The following PIF1 variants were observed in gnomAD, a reference collection of about 807,000 sequenced individuals.
The protein encoded by PIF1 is ATP-dependent DNA helicase PIF1.
In PIF1, 67 loss-of-function variants were observed where a neutral mutation model predicts 62.3. The observed-to-expected ratio is 1.08, with a 90% CI of 0.88 to 1.32. The LOEUF is 1.32. Among genes scored for constraint, PIF1 ranks in the 40% most tolerant of loss-of-function variants. The pLI is 0.00. For synonymous variants in PIF1, 364 were observed against 379.5 expected, an observed-to-expected ratio of 0.96 and a Z score of 0.47; for missense variants, 886 against 866.1, an observed-to-expected ratio of 1.02 and a Z score of -0.29.
Position 64,820,979 on chromosome 15 carries a change from C to T in PIF1, c.1193+3G>A, listed in dbSNP as rs775823620. 17 of 1,613,094 alleles carry T rather than the reference C, an allele frequency of 1.1e-5. No individual in the cohort carries two copies. The highest frequency in any genetic ancestry group is 1.4e-5 in the Non-Finnish European group (16 of 1,179,476). On this transcript the variant is annotated splice_donor_region_variant and intron_variant, in intron 7 of 12. Transcript: ENST00000559239. ...AGCCCCTTCCCCAACCAGCAGAGCT[C>T]ACCTGCCTAGCCTCACGGCCTGCAG...
Position 64,824,304 on chromosome 15 carries a change from TC to T in PIF1, c.31del (p.Glu11AsnfsTer16). ...GCACCGCAGCTCCGAGTCCTCATAT[TC>T]CCCTGCCGCCGCCTCTATGCCCGAG... MLSGIEAAAG[E>X]YEDSELRCRV... is the part of the protein sequence containing the mutation. On this transcript the variant is annotated frameshift_variant, in exon 2 of 13. Coordinates refer to ENST00000559239, the MANE Select transcript of PIF1 (RefSeq NM_001286496.2). LOFTEE classifies it high-confidence loss of function. The T allele has an allele frequency of 7.9e-7, 1 of 1,259,438 alleles. No homozygotes were observed. The highest frequency in any genetic ancestry group is 1.0e-6 in the Non-Finnish European group (1 of 1,000,708). 78.0% of individuals were successfully genotyped at this position (1,259,438 alleles called of 1,614,324 possible). A position where few individuals can be genotyped will look rare whatever the true frequency, so the allele number is the denominator to read the frequency against.
Position 64,819,372 on chromosome 15 carries a change from G to A in PIF1, c.1334-149C>T, listed in dbSNP as rs544492201. On this transcript the variant is annotated intron_variant, in intron 8 of 12. Transcript: ENST00000559239. ...GTTGCCCAGACTGGAGTGCAAAGGC[G>A]TGATCTCGGCTCACTGCAACCTCTG... The A allele has an allele frequency of 3.3e-5, 20 of 615,196 alleles. 1 individual carries two copies. Among genetic ancestry groups the A allele is most frequent in the East Asian group, 1.3e-4 (4 of 30,028 alleles). 38.1% of individuals were successfully genotyped at this position (615,196 alleles called of 1,614,324 possible).
Position 64,822,254 on chromosome 15 carries a change from G to C in PIF1, c.817+12C>G, listed in dbSNP as rs2084299803. The C allele has an allele frequency of 6.2e-7, 1 of 1,610,412 alleles. No homozygotes were observed. Among genetic ancestry groups the C allele is most frequent in the South Asian group, 1.1e-5 (1 of 90,886 alleles). ...CTTGCTCTTAGCTCAAGCCCTAGGG[G>C]TTCCTACTTACCTGCAAAGGCATGG... On this transcript the variant is annotated intron_variant, in intron 4 of 12. Coordinates refer to ENST00000559239, the MANE Select transcript of PIF1 (RefSeq NM_001286496.2).
At chr15:64,818,158 C>T in intron 10 of PIF1, 67 bp from the exon 11 acceptor site, 1 of 1,611,298 alleles carries the variant, frequency 6.2e-7, no homozygotes, top group Admixed American at 1.7e-5. Context: ...GAGCAGGGGC[C>T]TTTGGAGCTT....
At position 64,819,189 on chromosome 15, in the gene PIF1, G is replaced by A. The variant is rs748682555; in HGVS notation, c.1368C>T (p.Asn456=). 5.6e-6 allele frequency: 9 copies of A among 1,604,268 alleles called. No individual in the cohort carries two copies. Among genetic ancestry groups the A allele is most frequent in the African/African-American group, 1.3e-5 (1 of 74,176 alleles). Residue 456 remains asparagine (N), a synonymous_variant, in exon 9 of 13, where the codon AAC becomes AAT. Transcript: ENST00000559239. ...KVHRFEAMDS[N]PELASTLDAQ... Reference sequence around the variant, plus strand: ...CATCCAGGGTACTGGCCAGCTCAGGGTTGCTGTCCATAGCCTCAAATCTGT... The same window carrying A: ...CATCCAGGGTACTGGCCAGCTCAGGATTGCTGTCCATAGCCTCAAATCTGT...
chr15:64,816,548 C>A (rs748069491), intron 12 of PIF1, 26 bp downstream of exon 12: 4 of 1,610,826 alleles, frequency 2.5e-6, no homozygotes, highest in East Asian at 2.2e-5. Context: ...GTGGCCACAG[C>A]CCACCACTGG....
intron 9 of PIF1, chr15:64,818,660 C>G (rs1367547463): frequency 2.7e-6 from 1 of 375,004 alleles, no homozygotes; most frequent in Admixed American, 4.5e-5. Flanking sequence ...ATCTGTGGAC[C>G]ACAGATCTTG....
Position 64,821,445 on chromosome 15 carries a change from A to G in PIF1, c.893T>C (p.Leu298Pro). The stretch of plus-strand genomic sequence containing the variant: ...GTCAATGACCAACCGCTGGCAGTTC[A>G]GCCAGCCCTGCCGCACGCCTGGCCT... ...AQRPGVRQGW[L>P]NCQRLVIDEI... Residue 298 changes from leucine to proline, a missense_variant, in exon 5 of 13, where the codon CTG (leucine) becomes CCG (proline). Leu to Pro is a moderately conservative substitution (Grantham distance 98, BLOSUM62 -3). Coordinates refer to ENST00000559239, the MANE Select transcript of PIF1 (RefSeq NM_001286496.2). 1 of 1,614,112 alleles carries G rather than the reference A, an allele frequency of 6.2e-7. No individual in the cohort carries two copies. The highest frequency in any genetic ancestry group is 8.5e-7 in the Non-Finnish European group (1 of 1,180,034).
At position 64,824,322 on chromosome 15, in the gene PIF1, A is replaced by G. The variant is rs2084337210; in HGVS notation, c.14T>C (p.Ile5Thr). The change falls in exon 2 of 13, where the codon ATA (isoleucine) becomes ACA (threonine). Residue 5 changes from isoleucine to threonine, a missense_variant. By Grantham distance (89) the Ile-to-Thr change is moderately conservative. Transcript: ENST00000559239. ...CTCATATTCCCCTGCCGCCGCCTCT[A>G]TGCCCGAGAGCATCGTCACCGCCTC... MLSGIEAAAGEYEDS... is the reference protein window; with the variant it reads MLSGTEAAAGEYEDS... 1.6e-6 allele frequency: 2 copies of G among 1,254,706 alleles called. No homozygotes were observed. Among genetic ancestry groups the G allele is most frequent in the East Asian group, 3.1e-5 (1 of 32,352 alleles). 77.7% of individuals were successfully genotyped at this position (1,254,706 alleles called of 1,614,324 possible).
chr15:64,818,165 G>A (rs1200872569), intron 10 of PIF1, 74 bp from the exon 11 acceptor site: 2 of 1,610,874 alleles, frequency 1.2e-6, no homozygotes, highest in Non-Finnish European at 1.7e-6. Flanking sequence ...GGCCTTTGGA[G>A]CTTTCCTTCC....
Position 64,821,052 on chromosome 15 carries a change from C to A in PIF1, c.1123G>T (p.Glu375Ter). The change falls in exon 7 of 13, where the codon GAG becomes TAG. Residue 375 changes from glutamate (E) to a stop codon, truncating the protein, a stop_gained. Transcript: ENST00000559239. LOFTEE classifies it high-confidence loss of function. Reference protein sequence around the residue: ...SWKRCVPVTLELTKVWRQADQ... With the variant: ...SWKRCVPVTL Reference sequence around the variant, plus strand: ...GCCTGCCTCCACACCTTGGTCAGCTCCAGGGTCACTGGCACACACCTCTTC... The same window carrying A: ...GCCTGCCTCCACACCTTGGTCAGCTACAGGGTCACTGGCACACACCTCTTC... 1.2e-6 allele frequency: 2 copies of A among 1,614,130 alleles called. No individual in the cohort carries two copies. Among genetic ancestry groups the A allele is most frequent in the Non-Finnish European group, 1.7e-6 (2 of 1,180,018 alleles).
chr15:64,822,060 G>A, intron 4 of PIF1: 1 of 620,010 alleles, frequency 1.6e-6, no homozygotes, highest in South Asian at 2.2e-5. Context: ...AAATTTTGTG[G>A]AGACAGGGTT....
In PIF1 at chr15:64,818,289, C is replaced by T; in HGVS notation, c.1496G>A (p.Gly499Glu). ...TTCTGCCTCGAACCCAACTACCACC[C>T]CTCGGGCACCATTCACCAGGCCCCG... The part of the protein sequence containing the change: ...VSRGLVNGAR[G>E]VVVGFEAEGR... The change falls in exon 10 of 13, where the codon GGG (glycine) becomes GAG (glutamate). Residue 499 changes from glycine to glutamate, a missense_variant. Coordinates refer to ENST00000559239, the MANE Select transcript of PIF1 (RefSeq NM_001286496.2). 1 of 1,614,162 alleles carries T rather than the reference C, an allele frequency of 6.2e-7. No homozygotes were observed.
Position 64,824,047 on chromosome 15 carries a change from C to CG in PIF1, c.288dup (p.Gly97ArgfsTer89). Reference sequence around the variant, plus strand: ...AGCAGCAGCTGCACTGCGCCGGCCCCGGGGGTGTCGTGGGCGGGGAGCCGC... The same window carrying CG: ...AGCAGCAGCTGCACTGCGCCGGCCCCGGGGGGTGTCGTGGGCGGGGAGCCGC... On this transcript the variant is annotated frameshift_variant, in exon 2 of 13. Coordinates refer to ENST00000559239, the MANE Select transcript of PIF1 (RefSeq NM_001286496.2). LOFTEE classifies it high-confidence loss of function. The CG allele has an allele frequency of 7.9e-7, 1 of 1,264,926 alleles. No individual in the cohort carries two copies. The highest frequency in any genetic ancestry group is 9.9e-7 in the Non-Finnish European group (1 of 1,006,650). 78.4% of individuals were successfully genotyped at this position (1,264,926 alleles called of 1,614,324 possible).
chr15:64,826,624 TTATATA>T (rs764170884), upstream of PIF1, among the ~76,000 whole-genome samples: 62 of 36,078 alleles, frequency 1.7e-3, no homozygotes, highest in South Asian at 7.0e-3. Flanking sequence ...CCCAGCTAAT[TTATATA>T]TATATATATA....
At chr15:64,820,880 G>A in intron 7 of PIF1, 102 bp downstream of exon 7, 1 of 1,050,016 alleles carries the variant, frequency 9.5e-7, no homozygotes, top group South Asian at 1.4e-5. Context: ...TTGCTCCTGA[G>A]GGTAACAATT....
intron 8 of PIF1, 91 bp downstream of exon 8, chr15:64,819,756 G>A: frequency 6.4e-7 from 1 of 1,557,122 alleles, no homozygotes; most frequent in African/African-American, 1.4e-5. Context: ...GAGGTTGGGG[G>A]CCTAGGACCC....
rs765277682 is a variant in PIF1 at position 64,817,903 on chromosome 15, T to C, written c.1674+43A>G. The C allele has an allele frequency of 8.1e-5, 127 of 1,575,962 alleles. 1 individual carries two copies. Among genetic ancestry groups the C allele is most frequent in the Non-Finnish European group, 5.2e-6 (6 of 1,162,696 alleles). On this transcript the variant is annotated intron_variant, in intron 11 of 12. Coordinates refer to ENST00000559239, the MANE Select transcript of PIF1 (RefSeq NM_001286496.2). ...CACATAGACTGCAACATGCCTGACC[T>C]CCCTCTGCCCTCCCTGTCCCTGCCC... is the stretch of plus-strand genomic sequence containing the variant.
At chr15:64,826,511 A>G (rs1284694930), upstream of PIF1, among the ~76,000 whole-genome samples, 3 of 149,226 alleles carry the variant, frequency 2.0e-5, no homozygotes, top group East Asian at 4.0e-4. Flanking sequence ...GCTCACTGCA[A>G]CCTCTGCCGT....
Sources: gnomAD v4.1 joint callset for allele counts (sites outside exome capture counted in the v4.1 genomes callset) on GRCh38, gnomAD v4.1.1 for gene constraint, MANE v1.5 for transcripts, NCBI Gene and HGNC (gene_info 2026-07-23, HGNC 2026-07-21) for gene names.